PTPRM: variants seen among roughly 807,000 people sequenced by gnomAD.
PTPRM encodes the protein protein tyrosine phosphatase receptor type M.
PTPRM carries 47 observed loss-of-function variants against 186.7 expected under a neutral mutation model. That is an observed-to-expected ratio of 0.25 (90% CI 0.20 to 0.32). The LOEUF (loss-of-function observed/expected upper bound fraction) is 0.32. Ranked by LOEUF, PTPRM falls within the 10% of genes least tolerant of loss-of-function variation. The pLI is 1.00. For missense variants in PTPRM, 1,494 were observed against 1,865.0 expected (o/e 0.80, Z 3.66); for synonymous variants, 668 against 674.9 (o/e 0.99, Z 0.16).
intron 4 of PTPRM, among the ~76,000 whole-genome samples, chr18:7,912,282 A>G (rs975052724): frequency 2.0e-5 from 3 of 152,200 alleles, no homozygotes; most frequent in Admixed American, 6.5e-5. Flanking sequence ...TTGTTGACAC[A>G]CTGTTCTTTC....
chr18:8,177,228 G>A (rs542387088), intron 14 of PTPRM, among the ~76,000 whole-genome samples: 2 of 152,318 alleles, frequency 1.3e-5, no homozygotes, highest in East Asian at 1.9e-4. Context: ...AACCAATAAA[G>A]TAAGTAGTTT....
At chr18:8,096,636 C>T (rs922564433) in intron 11 of PTPRM, among the ~76,000 whole-genome samples, 1 of 152,134 alleles carries the variant, frequency 6.6e-6, no homozygotes, top group African/African-American at 2.4e-5. Context: ...CTGCACTGAA[C>T]AATATATTAC....
At position 8,245,994 on chromosome 18, in the gene PTPRM, G is replaced by A. The variant is rs574642705; in HGVS notation, c.2452+1785G>A. Among the ~76,000 whole-genome samples the A allele has an allele frequency of 1.4e-4, 22 of 152,248 alleles. No individual in the cohort carries two copies. In the South Asian group the frequency reaches 3.3e-3, roughly 23 times the overall value. On this transcript the variant is annotated intron_variant, in intron 15 of 32. Transcript: ENST00000580170. The stretch of plus-strand genomic sequence containing the variant: ...TTCCACAACTGATCGGCTATTAGAC[G>A]TTATTTTTTGCCTTCCTTCAATAAA...
At chr18:8,350,445 C>G (rs2095528500) in intron 23 of PTPRM, among the ~76,000 whole-genome samples, 2 of 152,174 alleles carry the variant, frequency 1.3e-5, no homozygotes, top group African/African-American at 2.4e-5. Flanking sequence ...GGCATAAAAG[C>G]CAACCTGTCC....
intron 14 of PTPRM, among the ~76,000 whole-genome samples, chr18:8,146,746 G>A (rs1308338909): frequency 6.6e-6 from 1 of 152,142 alleles, no homozygotes; most frequent in Non-Finnish European, 1.5e-5. Context: ...GCTCTGAATG[G>A]TATTGCCTAG....
rs1253484826 is a variant in PTPRM at position 7,609,393 on chromosome 18, CCTAGGTGCTCA to C, written c.73+41516_73+41526del. ...GCGAAGCGTTGGCCTGGAGGACAGG[CCTAGGTGCTCA>C]CTAGGTGCTCACTGCCTGGTGCTTT... On this transcript the variant is annotated intron_variant, in intron 1 of 32. Coordinates refer to ENST00000580170, the MANE Select transcript of PTPRM (RefSeq NM_001105244.2). Among the ~76,000 whole-genome samples the C allele has an allele frequency of 3.9e-5, 6 of 152,250 alleles. 1 individual carries two copies. The Middle Eastern group carries it at 0.01, about 259-fold the overall frequency.
rs1801533550 is a variant in PTPRM at position 8,314,811 on chromosome 18, T to C, written c.2873T>C (p.Ile958Thr). 1.9e-6 allele frequency: 3 copies of C among 1,612,296 alleles called. No homozygotes were observed. Among genetic ancestry groups the C allele is most frequent in the Non-Finnish European group, 2.5e-6 (3 of 1,178,694 alleles). Residue 958 changes from isoleucine to threonine, a missense_variant, in exon 21 of 33, where the codon ATA (isoleucine) becomes ACA (threonine). This residue lies in a region of PTPRM where 1,107 missense variants were observed against 1,350.2 expected (regional missense o/e 0.82). Coordinates refer to ENST00000580170, the MANE Select transcript of PTPRM (RefSeq NM_001105244.2). ...YDHSRVRLQT[I>T]EGDTNSDYIN... ...CATTCCCGAGTGAGGCTGCAGACAA[T>C]AGAAGGAGACACAAACTCAGACTAT...
chr18:8,004,032 T>C (rs897840127), intron 7 of PTPRM, among the ~76,000 whole-genome samples: 1 of 152,198 alleles, frequency 6.6e-6, no homozygotes, highest in African/African-American at 2.4e-5. Context: ...AAATTCCACG[T>C]CTCTGAAAGG....
chr18:7,675,558 A>G (rs1184057701), intron 1 of PTPRM, among the ~76,000 whole-genome samples: 3 of 152,124 alleles, frequency 2.0e-5, no homozygotes, highest in Admixed American at 2.0e-4. Flanking sequence ...CAGAATAAAC[A>G]TTGACTACTC....
At chr18:7,898,248 A>G (rs2049471046) in intron 3 of PTPRM, among the ~76,000 whole-genome samples, 1 of 152,216 alleles carries the variant, frequency 6.6e-6, no homozygotes, top group Admixed American at 6.5e-5. Context: ...CAAAACCAGA[A>G]GGATAGACTA....
At chr18:8,253,485 C>T in intron 19 of PTPRM, 71 bp downstream of exon 19, 2 of 1,293,958 alleles carry the variant, frequency 1.5e-6, no homozygotes, top group Non-Finnish European at 2.0e-6. Context: ...GTGCTCCCAA[C>T]TCAATCAGAA....
intron 7 of PTPRM, among the ~76,000 whole-genome samples, chr18:7,959,570 G>A (rs2053533869): frequency 6.6e-6 from 1 of 152,172 alleles, no homozygotes; most frequent in Non-Finnish European, 1.5e-5. Context: ...TGCAAGGATT[G>A]TATTGTAACA....
intron 19 of PTPRM, among the ~76,000 whole-genome samples, chr18:8,290,477 G>A (rs2095030579): frequency 1.3e-5 from 2 of 151,966 alleles, no homozygotes; most frequent in South Asian, 4.2e-4. Flanking sequence ...CTCTTGAGGT[G>A]GGCAACTGAG....
rs1173044239 is a variant in PTPRM at position 8,339,989 on chromosome 18, A to AG, written c.2957-3434_2957-3433insG. ...TTCCCTATTTTCTACCCTCAAAAAA[A>AG]AAACCCCACAAAAAACAGGATTTGA... On this transcript the variant is annotated intron_variant, in intron 22 of 32. Transcript: ENST00000580170. Among the ~76,000 whole-genome samples, 5 of 152,130 alleles carry AG rather than the reference A, an allele frequency of 3.3e-5. No individual in the cohort carries two copies. In the East Asian group the frequency reaches 9.6e-4, roughly 29 times the overall value.
At chr18:7,622,928 T>G (rs2037975090) in intron 1 of PTPRM, among the ~76,000 whole-genome samples, 1 of 152,188 alleles carries the variant, frequency 6.6e-6, no homozygotes, top group Admixed American at 6.5e-5. Context: ...AGTTCTCATC[T>G]GAACCTCTAA....
At chr18:7,594,564 A>G (rs762000599) in intron 1 of PTPRM, among the ~76,000 whole-genome samples, 3 of 152,146 alleles carry the variant, frequency 2.0e-5, no homozygotes, top group African/African-American at 2.4e-5. Context: ...AGGTGTGTAT[A>G]TCGCTCATTA....
chr18:7,915,631 A>G (rs1008326544), intron 4 of PTPRM, among the ~76,000 whole-genome samples: 1 of 152,180 alleles, frequency 6.6e-6, no homozygotes, highest in African/African-American at 2.4e-5. Context: ...CTTTATATCA[A>G]CACTGCGAAA....
intron 29 of PTPRM, among the ~76,000 whole-genome samples, chr18:8,383,175 G>A (rs2095748594): frequency 6.6e-6 from 1 of 151,696 alleles, no homozygotes; most frequent in South Asian, 2.1e-4. Flanking sequence ...GCGCATGCCT[G>A]TAGTCCCTAC....
At chr18:7,570,032 AG>A (rs1456850361) in intron 1 of PTPRM, among the ~76,000 whole-genome samples, 1 of 152,144 alleles carries the variant, frequency 6.6e-6, no homozygotes, top group African/African-American at 2.4e-5. Context: ...AGGCAGAGGC[AG>A]GAGGATAGCT....
Sources: allele counts gnomAD v4.1 joint callset (sites outside exome capture counted in the v4.1 genomes callset), GRCh38; gene constraint gnomAD v4.1.1; regional missense constraint gnomAD v4.1.1; transcripts MANE v1.5; gene names NCBI Gene and HGNC (gene_info 2026-07-23, HGNC 2026-07-21).